The following DENND4A variants were observed in gnomAD, a reference collection of about 807,000 sequenced individuals.
DENND4A encodes DENN domain containing 4A.
In DENND4A, 70 loss-of-function variants were observed where a neutral mutation model predicts 199.3. The ratio of observed to expected loss-of-function variants is 0.35; its 90% CI spans 0.29 to 0.43. The LOEUF is 0.43. DENND4A is among the 20% of genes least tolerant of loss of function. The pLI, the probability that DENND4A is intolerant of heterozygous loss-of-function variation, is 1.00. For synonymous variants in DENND4A, 686 were observed against 766.9 expected (o/e 0.89, Z 1.74); for missense variants, 1,723 against 2,255.8 (o/e 0.76, Z 4.78).
intron 29 of DENND4A, 25 bp from the exon 30 acceptor site, chr15:65,665,487 T>A (rs1410915567): frequency 6.5e-7 from 1 of 1,532,120 alleles, no homozygotes; most frequent in African/African-American, 1.4e-5. Context: ...AAACATTCAT[T>A]AATGATCCTT....
At chr15:65,698,559 T>G (rs1258161849) in intron 20 of DENND4A, among the ~76,000 whole-genome samples, 1 of 152,064 alleles carries the variant, frequency 6.6e-6, no homozygotes, top group Non-Finnish European at 1.5e-5. Context: ...GAAATTATAT[T>G]ATGTATCACT....
chr15:65,665,530 T>C, intron 29 of DENND4A, 68 bp from the exon 30 acceptor site: 1 of 1,221,934 alleles, frequency 8.2e-7, no homozygotes, highest in Non-Finnish European at 1.1e-6. Context: ...TTTTATAAAA[T>C]TCTTATAAAT....
chr15:65,674,489 G>A (rs2076312029), intron 24 of DENND4A, among the ~76,000 whole-genome samples: 1 of 152,204 alleles, frequency 6.6e-6, no homozygotes, highest in Non-Finnish European at 1.5e-5. Context: ...ATAGCTGAGT[G>A]TGGTGGCTCA....
intron 1 of DENND4A, among the ~76,000 whole-genome samples, chr15:65,767,056 C>T (rs2077006262): frequency 6.6e-6 from 1 of 152,138 alleles, no homozygotes; most frequent in Non-Finnish European, 1.5e-5. Flanking sequence ...AATTCAAAGG[C>T]AGAAACTTTG....
intron 2 of DENND4A, among the ~76,000 whole-genome samples, chr15:65,757,843 G>C (rs150354496): frequency 2.0e-5 from 3 of 152,116 alleles, no homozygotes; most frequent in Non-Finnish European, 2.9e-5. Context: ...TTAGCCAGGC[G>C]TGGTGACACA....
chr15:65,736,278 A>G (rs1455859211), intron 7 of DENND4A, among the ~76,000 whole-genome samples: 1 of 152,012 alleles, frequency 6.6e-6, no homozygotes, highest in Non-Finnish European at 1.5e-5. Context: ...ATTTTTTTGG[A>G]GATGGAGTCT....
chr15:65,771,200 C>T (rs1002870876), intron 1 of DENND4A: 13 of 1,605,784 alleles, frequency 8.1e-6, no homozygotes, highest in East Asian at 6.7e-5. Flanking sequence ...ACCGGTAAGC[C>T]GCTCTAATTC....
chr15:65,668,664 T>C (rs1278040319), intron 27 of DENND4A, among the ~76,000 whole-genome samples: 1 of 151,982 alleles, frequency 6.6e-6, no homozygotes, highest in Admixed American at 6.6e-5. Context: ...CTACTAAAAA[T>C]AGAAAAATTA....
At chr15:65,729,453 T>C in intron 10 of DENND4A, 81 bp downstream of exon 10, 1 of 1,498,198 alleles carries the variant, frequency 6.7e-7, no homozygotes, top group Non-Finnish European at 9.0e-7. Flanking sequence ...TTTAGTTAAG[T>C]TATATTAAAA....
chr15:65,706,061 T>C, intron 15 of DENND4A, 30 bp downstream of exon 15: 1 of 1,495,196 alleles, frequency 6.7e-7, no homozygotes, highest in Non-Finnish European at 8.9e-7. Flanking sequence ...CTTCTCTCTT[T>C]CAATCTCAAA....
chr15:65,769,220 C>A (rs780241396), intron 1 of DENND4A, among the ~76,000 whole-genome samples: 10 of 151,880 alleles, frequency 6.6e-5, no homozygotes, highest in Non-Finnish European at 1.3e-4. Flanking sequence ...CACACACACA[C>A]ACACACACAC....
Position 65,697,379 on chromosome 15 carries a change from G to T in DENND4A, c.2838C>A (p.Gly946=), listed in dbSNP as rs764027571. ...YATDDRSSTG[G]QSDLGYNSLS... ...ATGAATTATATCCAAGATCAGACTG[G>T]CCACCTGGTAAAAACAAAAATAAAC... is the stretch of plus-strand genomic sequence containing the variant. The change falls in exon 21 of 33, where the codon GGC becomes GGA. Residue 946 remains glycine (G), a synonymous_variant. Transcript: ENST00000443035. 6.3e-7 allele frequency: 1 copy of T among 1,587,612 alleles called. No individual in the cohort carries two copies. The highest frequency in any genetic ancestry group is 2.3e-5 in the East Asian group (1 of 44,216).
At chr15:65,770,917 C>T (rs1320199538) in intron 1 of DENND4A, among the ~76,000 whole-genome samples, 1 of 152,120 alleles carries the variant, frequency 6.6e-6, no homozygotes, top group Non-Finnish European at 1.5e-5. Flanking sequence ...AATCCTTTCT[C>T]AAGACATTTT....
chr15:65,773,410 CAATAT>C (rs1468523625), intron 1 of DENND4A, among the ~76,000 whole-genome samples: 1 of 151,914 alleles, frequency 6.6e-6, no homozygotes, highest in African/African-American at 2.4e-5. Flanking sequence ...AGAAAACAAG[CAATAT>C]AATACATGAT....
At chr15:65,728,396 C>T (rs893173544) in intron 11 of DENND4A, among the ~76,000 whole-genome samples, 2 of 151,958 alleles carry the variant, frequency 1.3e-5, no homozygotes, top group Admixed American at 6.6e-5. Flanking sequence ...TGTGATTTCA[C>T]CTATACTCAT....
In DENND4A at chr15:65,761,441, G is replaced by T. The variant is rs1362163707; in HGVS notation, c.-101-3C>A. 6.6e-6 allele frequency: 1 copy of T among 152,144 alleles called. No homozygotes were observed. Among genetic ancestry groups the T allele is most frequent in the Non-Finnish European group, 1.5e-5 (1 of 68,024 alleles). 9.4% of individuals were successfully genotyped at this position (152,144 alleles called of 1,614,324 possible). A position where few individuals can be genotyped will look rare whatever the true frequency, so the allele number is the denominator to read the frequency against. Reference sequence around the variant, plus strand: ...CAGCCTCAGAGTTTGAGAAATAACTGTATTGAAAACAGTAAGAATTGGACT... The same window carrying T: ...CAGCCTCAGAGTTTGAGAAATAACTTTATTGAAAACAGTAAGAATTGGACT... On this transcript the variant is annotated splice_polypyrimidine_tract_variant and splice_region_variant and intron_variant, in intron 1 of 32. Transcript: ENST00000443035.
chr15:65,682,481 G>C (rs1167858376), intron 23 of DENND4A, among the ~76,000 whole-genome samples: 1 of 152,064 alleles, frequency 6.6e-6, no homozygotes, highest in East Asian at 1.9e-4. Context: ...AGTTAGTTAG[G>C]GCCTTGCTCT....
chr15:65,775,775 G>C (rs1313910529), intron 1 of DENND4A, among the ~76,000 whole-genome samples: 1 of 151,198 alleles, frequency 6.6e-6, no homozygotes, highest in Non-Finnish European at 1.5e-5. Flanking sequence ...ATGTACAACT[G>C]CCTCTTGAAA....
intron 12 of DENND4A, among the ~76,000 whole-genome samples, chr15:65,720,946 AT>A (rs1322277883): frequency 0.023 from 916 of 39,162 alleles, 42 homozygotes; most frequent in Middle Eastern, 0.086. Flanking sequence ...TGTTTCATTG[AT>A]TATATATATA....
Sources: allele counts gnomAD v4.1 joint callset (sites outside exome capture counted in the v4.1 genomes callset), GRCh38; gene constraint gnomAD v4.1.1; transcripts MANE v1.5; gene names NCBI Gene and HGNC (gene_info 2026-07-23, HGNC 2026-07-21).